The following ERI2 variants were observed in gnomAD, a reference collection of about 807,000 sequenced individuals.
ERI2 encodes the protein ERI1 exoribonuclease 2.
ERI2 carries 35 observed loss-of-function variants against 46.8 expected under a neutral mutation model. That is an observed-to-expected ratio of 0.75 (90% CI 0.57 to 0.99). The LOEUF (loss-of-function observed/expected upper bound fraction) is 0.99. Among genes scored for constraint, ERI2 ranks in the 50% least tolerant of loss-of-function variants. ERI2 has a pLI of 0.00. For missense variants in ERI2, 695 were observed against 796.2 expected, an observed-to-expected ratio of 0.87 and a Z score of 1.53; for synonymous variants, 224 against 271.0, an observed-to-expected ratio of 0.83 and a Z score of 1.70.
Position 20,797,129 on chromosome 16 carries a change from T to G in ERI2, c.*595A>C. ...GGTTATGATATCAGAGGCTAAATTTTGAAATAAAATATTTGGCAAATTCCT... is the reference window on the plus strand; with the variant it reads ...GGTTATGATATCAGAGGCTAAATTTGGAAATAAAATATTTGGCAAATTCCT... On this transcript the variant is annotated 3_prime_UTR_variant, in exon 9 of 9. Transcript: ENST00000357967. The G allele has an allele frequency of 7.3e-7, 1 of 1,369,722 alleles. No individual in the cohort carries two copies. The highest frequency in any genetic ancestry group is 9.4e-7 in the Non-Finnish European group (1 of 1,063,070). 84.8% of individuals were successfully genotyped at this position (1,369,722 alleles called of 1,614,324 possible).
chr16:20,798,282 T>C lies in ERI2; in HGVS notation c.1518A>G (p.Ser506=). The part of the protein sequence containing the change: ...ISAFKLPEHK[S]STFNRVNANM... ...TGGCATTAACTCTGTTGAAGGTACT[T>C]GATTTGTGTTCAGGTAACTTAAAGG... The change falls in exon 9 of 9, where the codon TCA becomes TCG. Residue 506 remains serine (S), a synonymous_variant. Coordinates refer to ENST00000357967, the MANE Select transcript of ERI2 (RefSeq NM_001142725.2). 1 of 1,551,574 alleles carries C rather than the reference T, an allele frequency of 6.4e-7. No homozygotes were observed.
rs200253322 is a variant in ERI2 at position 20,797,981 on chromosome 16, C to T, written c.1819G>A (p.Val607Ile). 2,111 of 1,551,936 alleles carry T rather than the reference C, an allele frequency of 1.4e-3. 14 individuals carry two copies. The highest frequency in any genetic ancestry group is 8.5e-3 in the South Asian group (718 of 84,066). Residue 607 changes from valine (V) to isoleucine (I), a missense_variant, in exon 9 of 9, where the codon GTT (valine) becomes ATT (isoleucine). Val to Ile is a conservative substitution (Grantham distance 29, BLOSUM62 3). Transcript: ENST00000357967. The stretch of plus-strand genomic sequence containing the variant: ...TGGTTCGGTCCATTATTAGAAACAA[C>T]AAGTCTCTTAGATCTCCGACCACAC... ...CKCGRRSKRLVVSNNGPNHGK... is the reference protein window; with the variant it reads ...CKCGRRSKRLIVSNNGPNHGK...
chr16:20,797,355 A>G lies in ERI2; in HGVS notation c.*369T>C. ...ATGTTCAAGCCTGAAATAAAACTAA[A>G]GAACTTATAAAAGTTTTTAGAAAAA... On this transcript the variant is annotated 3_prime_UTR_variant, in exon 9 of 9. Transcript: ENST00000357967. 2.0e-6 allele frequency: 2 copies of G among 997,984 alleles called. No homozygotes were observed. The highest frequency in any genetic ancestry group is 2.4e-6 in the Non-Finnish European group (2 of 836,540). 61.8% of individuals were successfully genotyped at this position (997,984 alleles called of 1,614,324 possible). A position where few individuals can be genotyped will look rare whatever the true frequency, so the allele number is the denominator to read the frequency against.
chr16:20,786,039 A>C, intron 10 of ERI2: 1 of 1,365,364 alleles, frequency 7.3e-7, no homozygotes, highest in South Asian at 1.4e-5. Flanking sequence ...ATTTTAAGTG[A>C]CTTGTAATGT....
At chr16:20,799,178 G>T in intron 8 of ERI2, 85 bp downstream of exon 8, 1 of 1,545,938 alleles carries the variant, frequency 6.5e-7, no homozygotes, top group Non-Finnish European at 8.8e-7. Flanking sequence ...ATAAATGACT[G>T]CACACATTAA....
At chr16:20,785,506 A>T (rs1309468401) in intron 10 of ERI2, among the ~76,000 whole-genome samples, 1 of 152,128 alleles carries the variant, frequency 6.6e-6, no homozygotes, top group East Asian at 1.9e-4. Context: ...TAGCAACCAT[A>T]CTCTAAAAAG....
chr16:20,802,580 T>A (rs1357199067), intron 4 of ERI2, among the ~76,000 whole-genome samples: 5 of 150,992 alleles, frequency 3.3e-5, no homozygotes, highest in Non-Finnish European at 7.4e-5. Context: ...TTAAATTTTT[T>A]TTTTTTTTTT....
At chr16:20,780,385 T>G (rs2080326458) in exon 11 of ERI2, 1 of 466,744 alleles carries the variant, frequency 2.1e-6, no homozygotes, top group Admixed American at 3.8e-5. Context: ...TATCCATGAT[T>G]GCAAGATCAC....
At chr16:20,793,742 T>TG (rs2080657156), downstream of ERI2, among the ~76,000 whole-genome samples, 1 of 152,164 alleles carries the variant, frequency 6.6e-6, no homozygotes, top group South Asian at 2.1e-4. Context: ...CAGTCAGTGA[T>TG]TATTGGCTTG....
downstream of ERI2, chr16:20,792,272 G>A (rs1166467429): frequency 1.2e-6 from 2 of 1,613,984 alleles, no homozygotes. Context: ...AAAATGCCCT[G>A]AATGAACACC....
Position 20,798,662 on chromosome 16 carries a change from C to T in ERI2, c.1138G>A (p.Val380Ile). 2 of 1,551,678 alleles carry T rather than the reference C, an allele frequency of 1.3e-6. No individual in the cohort carries two copies. Among genetic ancestry groups the T allele is most frequent in the Non-Finnish European group, 1.7e-6 (2 of 1,146,932 alleles). ...TGAACAGTTGGAACGGTGGTAGAAA[C>T]AAGTACCAATTCTGAACCAACTGTT... The part of the protein sequence containing the change: ...ASTVGSELVL[V>I]STTVPTVHHV... Residue 380 changes from valine to isoleucine, a missense_variant, in exon 9 of 9, where the codon GTT (valine) becomes ATT (isoleucine). Physicochemically the swap from Val to Ile is conservative, Grantham distance 29 (BLOSUM62 3). Transcript: ENST00000357967.
exon 11 of ERI2, chr16:20,780,456 CCTT>C (rs2080327672): frequency 1.5e-6 from 1 of 662,948 alleles, no homozygotes; most frequent in South Asian, 2.2e-5. Flanking sequence ...ATGCTTCAAT[CCTT>C]CTTTATCATA....
Position 20,796,510 on chromosome 16 carries a change from G to A in ERI2, c.*1214C>T, listed in dbSNP as rs750707571. ...GAAAGGTAGGCATCCTAATTATAAC[G>A]AATATTTGCTCAGTGTTGTGGACAA... On this transcript the variant is annotated 3_prime_UTR_variant, in exon 9 of 9. Transcript: ENST00000357967. 2.2e-5 allele frequency: 35 copies of A among 1,608,654 alleles called. No individual in the cohort carries two copies. Among genetic ancestry groups the A allele is most frequent in the East Asian group, 6.7e-5 (3 of 44,838 alleles).
downstream of ERI2, among the ~76,000 whole-genome samples, chr16:20,793,743 T>G (rs2080657242): frequency 6.6e-6 from 1 of 152,168 alleles, no homozygotes; most frequent in South Asian, 2.1e-4. Context: ...AGTCAGTGAT[T>G]ATTGGCTTGT....
chr16:20,792,245 T>C (rs1205088449), downstream of ERI2: 1 of 1,614,124 alleles, frequency 6.2e-7, no homozygotes, highest in South Asian at 1.1e-5. Context: ...GCTATCGAAT[T>C]GGACCATTTG....
intron 10 of ERI2, chr16:20,785,082 A>G (rs1353621818): frequency 3.1e-6 from 5 of 1,613,558 alleles, no homozygotes; most frequent in South Asian, 2.2e-5. Flanking sequence ...CTGGATATCT[A>G]CGAAGGATAT....
chr16:20,800,916 A>G (rs1014098145), intron 5 of ERI2, among the ~76,000 whole-genome samples: 2 of 152,190 alleles, frequency 1.3e-5, no homozygotes, highest in African/African-American at 4.8e-5. Context: ...AGAAAATAGC[A>G]TAAGAGTGTT....
intron 4 of ERI2, among the ~76,000 whole-genome samples, chr16:20,801,668 G>A (rs1462646892): frequency 6.6e-6 from 1 of 152,156 alleles, no homozygotes; most frequent in East Asian, 1.9e-4. Flanking sequence ...ATAAATCATA[G>A]ACAAATTTGA....
At chr16:20,799,457 AC>A in intron 7 of ERI2, 106 bp from the exon 8 acceptor site, 1 of 1,120,172 alleles carries the variant, frequency 8.9e-7, no homozygotes, top group African/African-American at 1.6e-5. Context: ...AGAAATTGGA[AC>A]ACAGTTTTAG....
Sources: allele counts gnomAD v4.1 joint callset (sites outside exome capture counted in the v4.1 genomes callset), GRCh38; gene constraint gnomAD v4.1.1; transcripts MANE v1.5; gene names NCBI Gene and HGNC (gene_info 2026-07-23, HGNC 2026-07-21).